L1CAM: variants seen among roughly 807,000 people sequenced by gnomAD.
The protein encoded by L1CAM is L1 cell adhesion molecule.
Under a neutral mutation model 93.0 loss-of-function variants are expected in L1CAM, and 8 were observed. The observed-to-expected ratio is 0.09, with a 90% CI of 0.05 to 0.16. L1CAM has a LOEUF of 0.16. Among genes scored for constraint, L1CAM ranks in the 10% least tolerant of loss-of-function variants. The pLI, the probability that L1CAM is intolerant of heterozygous loss-of-function variation, is 1.00. For missense variants in L1CAM, 777 were observed against 1,073.4 expected, an observed-to-expected ratio of 0.72 and a Z score of 3.86; for synonymous variants, 453 against 453.0, an observed-to-expected ratio of 1.00 and a Z score of 0.00.
At chrX:153,874,966 CAGTA>C (rs2064802065) in intron 2 of L1CAM, among the ~76,000 whole-genome samples, 1 of 112,266 alleles carries the variant, frequency 8.9e-6, no homozygotes, top group Non-Finnish European at 1.9e-5. Flanking sequence ...CAAGCCTGGC[CAGTA>C]AGTAACAGAG....
Position 153,871,871 on chromosome X carries a change from C to G in L1CAM, c.400+281G>C, listed in dbSNP as rs1277404133. Among the ~76,000 whole-genome samples, 3 of 104,189 alleles carry G rather than the reference C, an allele frequency of 2.9e-5. No individual in the cohort carries two copies. The East Asian group carries it at 9.2e-4, about 32-fold the overall frequency. 90.5% of individuals were successfully genotyped at this position (104,189 alleles called of 115,157 possible). ...TCCCCCCACCAGCCCGCCCCCCCCT[C>G]CCCCCGCCACCTTCCTGCTCAGCCA... is the stretch of plus-strand genomic sequence containing the variant. On this transcript the variant is annotated intron_variant, in intron 5 of 28. Coordinates refer to ENST00000370060, the MANE Select transcript of L1CAM (RefSeq NM_001278116.2).
chrX:153,865,831 C>G lies in L1CAM; in HGVS notation c.2432-12G>C. 2 of 1,137,905 alleles carry G rather than the reference C, an allele frequency of 1.8e-6. No homozygotes were observed. Among genetic ancestry groups the G allele is most frequent in the Non-Finnish European group, 2.4e-6 (2 of 827,970 alleles). 93.8% of individuals were successfully genotyped at this position (1,137,905 alleles called of 1,213,427 possible). On this transcript the variant is annotated splice_polypyrimidine_tract_variant and intron_variant, in intron 19 of 28. Coordinates refer to ENST00000370060, the MANE Select transcript of L1CAM (RefSeq NM_001278116.2). ...GATTGCCTGGGGGTCTGGAAACCAC[C>G]AGTGACTTGGATAGAGCCATAGGCT...
chrX:153,868,861 C>G lies in L1CAM; in HGVS notation c.1359G>C (p.Ala453=), dbSNP rs782569322. ...CTCACCACTGAACACTGGGCACAGG[C>G]GCTCCGAAGGCCTTGCACAGAAGGT... ...TAYLLCKAFG[A]PVPSVQWLDE... Residue 453 remains alanine (A), a synonymous_variant, in exon 12 of 29, where the codon GCG becomes GCC. Transcript: ENST00000370060. The G allele has an allele frequency of 5.0e-6, 6 of 1,210,361 alleles. No individual in the cohort carries two copies. Among genetic ancestry groups the G allele is most frequent in the South Asian group, 1.8e-5 (1 of 56,953 alleles).
intron 3 of L1CAM, 127 bp from the exon 4 acceptor site, chrX:153,872,824 G>A (rs1333953183): frequency 5.4e-6 from 3 of 552,751 alleles, no homozygotes; most frequent in East Asian, 3.5e-5. Context: ...ACAGGGGGAC[G>A]AACGGAGGGG....
chrX:153,869,109 T>C, intron 11 of L1CAM, 157 bp from the exon 12 acceptor site: 1 of 498,436 alleles, frequency 2.0e-6, no homozygotes, highest in Non-Finnish European at 3.6e-6. Context: ...TGTGTCTCTC[T>C]CTGCCTTCAG....
chrX:153,865,142 G>A lies in L1CAM; in HGVS notation c.2818C>T (p.Pro940Ser), dbSNP rs782315098. The change falls in exon 22 of 29, where the codon CCC (proline) becomes TCC (serine). Residue 940 changes from proline to serine, a missense_variant. Transcript: ENST00000370060. ...AGCACGCCGTTGTGGCTGAGTGGGG[G>A]CTGCCAGCGCAGCAGCAGGCTGGTG... ...SNTSLLLRWQ[P>S]PLSHNGVLTG... 1.7e-6 allele frequency: 2 copies of A among 1,209,192 alleles called. No individual in the cohort carries two copies. The highest frequency in any genetic ancestry group is 2.2e-5 in the Admixed American group (1 of 45,927).
chrX:153,879,578 G>A (rs1481301127), intron 1 of L1CAM, among the ~76,000 whole-genome samples: 1 of 112,341 alleles, frequency 8.9e-6, no homozygotes, highest in Non-Finnish European at 1.9e-5. Context: ...TGGGAGCAGG[G>A]TAGAGAGACA....
chrX:153,873,828 C>T (rs1433258089), intron 2 of L1CAM, among the ~76,000 whole-genome samples: 6 of 112,831 alleles, frequency 5.3e-5, no homozygotes, highest in African/African-American at 1.9e-4. Context: ...TCCTCTTCTC[C>T]CTCCTTCCTC....
At chrX:153,872,465 G>A (rs1603276662) in intron 4 of L1CAM, 111 bp from the exon 5 acceptor site, 1 of 940,590 alleles carries the variant, frequency 1.1e-6, no homozygotes, top group Non-Finnish European at 1.5e-6. Flanking sequence ...TGGACTGGGA[G>A]ATGGCGAGGA....
intron 1 of L1CAM, among the ~76,000 whole-genome samples, chrX:153,879,245 G>A (rs2064830942): frequency 1.8e-5 from 2 of 111,372 alleles, no homozygotes; most frequent in Admixed American, 1.9e-4. Context: ...GACAAAGACA[G>A]ACGTAGGAAG....
chrX:153,870,550 G>A, intron 7 of L1CAM, 51 bp from the exon 8 acceptor site: 1 of 1,045,279 alleles, frequency 9.6e-7, no homozygotes, highest in Non-Finnish European at 1.3e-6. Context: ...CTCCACCCCA[G>A]AATTGCAAGG....
chrX:153,865,191 C>T lies in L1CAM; in HGVS notation c.2769G>A (p.Ala923=), dbSNP rs1557090448. ...TPEGVPGHPE[A]LHLECQSNTS... is the part of the protein sequence containing the mutation. Reference sequence around the variant, plus strand: ...TGTTCGACTGGCACTCCAGGTGCAACGCCTCGGGGTGGCCAGGCACTGCAG... The same window carrying T: ...TGTTCGACTGGCACTCCAGGTGCAATGCCTCGGGGTGGCCAGGCACTGCAG... Residue 923 remains alanine, a synonymous_variant, in exon 22 of 29, where the codon GCG becomes GCA. Coordinates refer to ENST00000370060, the MANE Select transcript of L1CAM (RefSeq NM_001278116.2). 6 of 1,208,685 alleles carry T rather than the reference C, an allele frequency of 5.0e-6. No individual in the cohort carries two copies. Among genetic ancestry groups the T allele is most frequent in the Non-Finnish European group, 5.6e-6 (5 of 894,516 alleles).
At chrX:153,879,383 G>A (rs1021182108) in intron 1 of L1CAM, among the ~76,000 whole-genome samples, 70 of 104,406 alleles carry the variant, frequency 6.7e-4, no homozygotes, top group Non-Finnish European at 1.1e-3. Context: ...AGAGTGCGCC[G>A]CTGAGAAATG....
intron 1 of L1CAM, among the ~76,000 whole-genome samples, chrX:153,883,208 G>A (rs187180775): frequency 9.0e-6 from 1 of 111,437 alleles, no homozygotes; most frequent in Non-Finnish European, 1.9e-5. Flanking sequence ...GACAAGGAGA[G>A]GAGCAGAGCG....
chrX:153,884,358 T>G (rs1175849020), intron 1 of L1CAM: 1 of 715,756 alleles, frequency 1.4e-6, no homozygotes, highest in Non-Finnish European at 1.8e-6. Flanking sequence ...AGCAGGGAGC[T>G]GGCAGCTGGG....
At position 153,864,550 on chromosome X, in the gene L1CAM, C is replaced by T. The variant is rs782082139; in HGVS notation, c.3166+35G>A. On this transcript the variant is annotated intron_variant, in intron 24 of 28. Coordinates refer to ENST00000370060, the MANE Select transcript of L1CAM (RefSeq NM_001278116.2). The stretch of plus-strand genomic sequence containing the variant: ...AACCCCTCTGGCCCAGAGCCCCCTT[C>T]CCCACCACGCCCCAAGGCCCCCTTT... 7 of 1,174,902 alleles carry T rather than the reference C, an allele frequency of 6.0e-6. No individual in the cohort carries two copies. The South Asian group carries it at 1.2e-4, about 21-fold the overall frequency.
intron 1 of L1CAM, chrX:153,885,836 C>T (rs1557096884): frequency 1.2e-6 from 1 of 834,835 alleles, no homozygotes; most frequent in Non-Finnish European, 1.5e-6. Flanking sequence ...GCAGGTTACC[C>T]CTCACCTGTC....
intron 1 of L1CAM, among the ~76,000 whole-genome samples, chrX:153,878,660 G>A (rs1257269324): frequency 8.9e-6 from 1 of 111,873 alleles, no homozygotes; most frequent in African/African-American, 3.3e-5. Context: ...GGAGGGGGAG[G>A]GGAGGAAACC....
At chrX:153,871,982 G>A (rs972710886) in intron 5 of L1CAM, among the ~76,000 whole-genome samples, 170 bp downstream of exon 5, 7 of 109,504 alleles carry the variant, frequency 6.4e-5, no homozygotes, top group African/African-American at 2.3e-4. Flanking sequence ...GGCAAAGGAG[G>A]AGACTGCACA....
Sources: allele counts gnomAD v4.1 joint callset (sites outside exome capture counted in the v4.1 genomes callset), GRCh38; gene constraint gnomAD v4.1.1; transcripts MANE v1.5; gene names NCBI Gene and HGNC (gene_info 2026-07-23, HGNC 2026-07-21).